Variants in STARD13 observed in about 807,000 individuals in gnomAD.
The protein encoded by STARD13 is StAR related lipid transfer domain containing 13.
STARD13 carries 62 observed loss-of-function variants against 106.4 expected under a neutral mutation model. That is an observed-to-expected ratio of 0.58 (90% CI 0.48 to 0.72). STARD13 has a LOEUF of 0.72. STARD13 is among the 30% of genes least tolerant of loss of function. STARD13 has a pLI of 0.00. For synonymous variants in STARD13, 565 were observed against 553.0 expected (o/e 1.02, Z -0.31); for missense variants, 1,387 against 1,424.0 (o/e 0.97, Z 0.42).
At chr13:33,582,221 CA>C in the STARD13 span, among the ~76,000 whole-genome samples, 24 of 126,136 alleles carry the variant, frequency 1.9e-4, 1 homozygote, top group Admixed American at 3.3e-4. Flanking sequence ...GACTCCATCT[CA>C]AAAAAAAAAG....
chr13:33,593,793 GAC>G, the STARD13 span, among the ~76,000 whole-genome samples: 1 of 152,052 alleles, frequency 6.6e-6, no homozygotes, highest in Non-Finnish European at 1.5e-5. Flanking sequence ...CACCTGACAG[GAC>G]ATCCCATCTC....
At chr13:33,389,673 C>A in the STARD13 span, among the ~76,000 whole-genome samples, 1 of 152,098 alleles carries the variant, frequency 6.6e-6, no homozygotes, top group African/African-American at 2.4e-5. Flanking sequence ...TTAATTACTT[C>A]TAAGTGCATA....
the STARD13 span, among the ~76,000 whole-genome samples, chr13:33,520,717 C>A: frequency 6.6e-6 from 1 of 152,066 alleles, no homozygotes; most frequent in African/African-American, 2.4e-5. Context: ...GGAACTTCCC[C>A]ACTGTGCATC....
At chr13:33,244,816 C>G (rs1489861946) in intron 1 of STARD13, among the ~76,000 whole-genome samples, 1 of 152,184 alleles carries the variant, frequency 6.6e-6, no homozygotes, top group Non-Finnish European at 1.5e-5. Context: ...GAGAAACCAG[C>G]AGAAGAACTC....
the STARD13 span, among the ~76,000 whole-genome samples, chr13:33,603,836 A>T: frequency 6.6e-6 from 1 of 152,212 alleles, no homozygotes; most frequent in African/African-American, 2.4e-5. Flanking sequence ...ACCCCATTTA[A>T]AAAACTTTAG....
chr13:33,216,894 A>G (rs1888076581), intron 1 of STARD13, among the ~76,000 whole-genome samples: 2 of 152,190 alleles, frequency 1.3e-5, no homozygotes, highest in South Asian at 2.1e-4. Context: ...CTTCTTATCC[A>G]TGAGGGACAT....
chr13:33,442,766 G>A, the STARD13 span, among the ~76,000 whole-genome samples: 1 of 151,958 alleles, frequency 6.6e-6, no homozygotes, highest in Non-Finnish European at 1.5e-5. Context: ...GAGGCATAGG[G>A]GCCCTCATTT....
the STARD13 span, among the ~76,000 whole-genome samples, chr13:33,481,596 TAAAAG>T: frequency 6.6e-6 from 1 of 151,844 alleles, no homozygotes; most frequent in Non-Finnish European, 1.5e-5. Context: ...GAAAAATAAT[TAAAAG>T]AGAGAGAAAA....
chr13:33,336,562 C>G (rs2077898843), intron 1 of STARD13: 1 of 152,094 alleles, frequency 6.6e-6, no homozygotes, highest in South Asian at 2.1e-4. Context: ...GAGGCCAGCC[C>G]AGGCAACATG....
chr13:33,137,292 A>G (rs1682774179), intron 4 of STARD13, among the ~76,000 whole-genome samples: 1 of 152,248 alleles, frequency 6.6e-6, no homozygotes, highest in African/African-American at 2.4e-5. Context: ...TGTTTTCTGT[A>G]TAGGGCCATA....
intron 1 of STARD13, among the ~76,000 whole-genome samples, chr13:33,215,954 T>C (rs955640083): frequency 7.2e-5 from 11 of 152,090 alleles, no homozygotes; most frequent in African/African-American, 2.7e-4. Context: ...AACAAACGTA[T>C]ACAAAAATGC....
At chr13:33,649,160 G>C in the STARD13 span, among the ~76,000 whole-genome samples, 5 of 152,264 alleles carry the variant, frequency 3.3e-5, no homozygotes, top group Non-Finnish European at 4.4e-5. Flanking sequence ...ATACTCTAGA[G>C]TCCAGATAAT....
At chr13:33,489,128 C>T in the STARD13 span, among the ~76,000 whole-genome samples, 1 of 152,162 alleles carries the variant, frequency 6.6e-6, no homozygotes, top group African/African-American at 2.4e-5. Flanking sequence ...CACATCTCTT[C>T]CCCCACTATT....
chr13:33,156,483 GA>G (rs1400393218), intron 3 of STARD13, among the ~76,000 whole-genome samples: 11 of 152,152 alleles, frequency 7.2e-5, no homozygotes, highest in African/African-American at 2.7e-4. Context: ...GGGGAAGGGG[GA>G]AGATGGCTTT....
At chr13:33,599,390 TC>T in the STARD13 span, among the ~76,000 whole-genome samples, 1 of 152,164 alleles carries the variant, frequency 6.6e-6, no homozygotes, top group Non-Finnish European at 1.5e-5. Flanking sequence ...ATAACAACAA[TC>T]TTTACCCTTT....
At chr13:33,649,923 A>C in the STARD13 span, among the ~76,000 whole-genome samples, 1 of 152,164 alleles carries the variant, frequency 6.6e-6, no homozygotes. Flanking sequence ...TAGTTTGTCT[A>C]AGGTTTTATT....
At chr13:33,153,985 C>A (rs1881632109) in intron 3 of STARD13, among the ~76,000 whole-genome samples, 1 of 152,202 alleles carries the variant, frequency 6.6e-6, no homozygotes, top group African/African-American at 2.4e-5. Context: ...GGAGCAGCTC[C>A]TCCTCCTCGG....
chr13:33,499,588 C>CATCTTCTTCTTCT, the STARD13 span, among the ~76,000 whole-genome samples: 1 of 65,600 alleles, frequency 1.5e-5, no homozygotes, highest in Non-Finnish European at 3.2e-5. Context: ...TCTTCTTCTT[C>CATCTTCTTCTTCT]TTCTTCTTCT....
At chr13:33,127,004 G>C (rs1376851403) in intron 6 of STARD13, among the ~76,000 whole-genome samples, 2 of 152,222 alleles carry the variant, frequency 1.3e-5, no homozygotes, top group East Asian at 1.9e-4. Flanking sequence ...GCTCTAAGTG[G>C]TAAGCTTTGC....
Sources: gnomAD v4.1 joint callset for allele counts (sites outside exome capture counted in the v4.1 genomes callset) on GRCh38, gnomAD v4.1.1 for gene constraint, MANE v1.5 for transcripts, NCBI Gene and HGNC (gene_info 2026-07-23, HGNC 2026-07-21) for gene names.